The following PRPF8 variants were observed in gnomAD, a reference collection of about 807,000 sequenced individuals.
PRPF8 encodes pre-mRNA-processing-splicing factor 8.
Under a neutral mutation model 285.9 loss-of-function variants are expected in PRPF8, and 64 were observed. That is an observed-to-expected ratio of 0.22 (90% CI 0.18 to 0.28). The LOEUF is 0.28. Among genes scored for constraint, PRPF8 ranks in the 10% least tolerant of loss-of-function variants. PRPF8 has a pLI of 1.00. For synonymous variants in PRPF8, 1,325 were observed against 1,118.2 expected (o/e 1.18, Z -3.69); for missense variants, 1,426 against 3,026.7 (o/e 0.47, Z 12.41).
intron 39 of PRPF8, chr17:1,652,897 C>T (rs1364951513): frequency 1.2e-5 from 2 of 163,696 alleles, no homozygotes; most frequent in African/African-American, 4.9e-5. Flanking sequence ...TTCAAGCAAC[C>T]TCATCCTCCT....
chr17:1,664,940 G>A (rs8064384), intron 24 of PRPF8, among the ~76,000 whole-genome samples: 10,296 of 151,898 alleles, frequency 0.068, 1,209 homozygotes, highest in African/African-American at 0.24. Context: ...GGTGAATCAC[G>A]AGGTCACGAG....
intron 24 of PRPF8, among the ~76,000 whole-genome samples, chr17:1,671,486 G>A (rs958220277): frequency 6.6e-6 from 1 of 152,116 alleles, no homozygotes; most frequent in South Asian, 2.1e-4. Context: ...AGAGGCTAAG[G>A]CAGGAGGACT....
At position 1,675,658 on chromosome 17, in the gene PRPF8, G is replaced by A; in HGVS notation, c.2834C>T (p.Thr945Ile). 1 of 1,614,164 alleles carries A rather than the reference G, an allele frequency of 6.2e-7. No individual in the cohort carries two copies. The highest frequency in any genetic ancestry group is 8.5e-7 in the Non-Finnish European group (1 of 1,180,036). The part of the protein sequence containing the change: ...LFPPWIKPAD[T>I]EPPPLLVYKW... ...GTAAACAAGCAGCGGAGGTGGTTCT[G>A]TGTCTGCAGGCTTAATCCAGGGTGG... is the stretch of plus-strand genomic sequence containing the variant. The change falls in exon 19 of 43, where the codon ACA becomes ATA. Residue 945 changes from threonine (T) to isoleucine (I), a missense_variant. Transcript: ENST00000304992. This position sits in a 1 kb window ranked among gnomAD's most constrained non-coding sequence, Gnocchi z 6.0.
In PRPF8 at chr17:1,650,755, G is replaced by A. The variant is rs770402693; in HGVS notation, c.*47C>T. 6.2e-7 allele frequency: 1 copy of A among 1,610,386 alleles called. No homozygotes were observed. The highest frequency in any genetic ancestry group is 1.7e-5 in the Admixed American group (1 of 60,014). On this transcript the variant is annotated 3_prime_UTR_variant, in exon 43 of 43. Transcript: ENST00000304992. ...GAATGTCAGCGGCCTGTCTGGAGGG[G>A]CTGAGGCTTCGGCCTCGGGAGGCTG... is the stretch of plus-strand genomic sequence containing the variant.
At chr17:1,660,361 C>T (rs1911617104) in intron 30 of PRPF8, 71 bp downstream of exon 30, 39 of 1,608,918 alleles carry the variant, frequency 2.4e-5, no homozygotes, top group Non-Finnish European at 3.1e-5. Flanking sequence ...TGACTCTGTA[C>T]AGTACCCTCT....
rs916438770 is a variant in PRPF8, at chr17:1,680,625, C to T, written c.1098+101G>A. ...AGCTCAAGGGGAACACTTAGCAAGA[C>T]GGAAAACACATCTCCCTCCACCTGA... On this transcript the variant is annotated intron_variant, in intron 8 of 42. Transcript: ENST00000304992. The T allele has an allele frequency of 3.3e-5, 36 of 1,104,444 alleles. No individual in the cohort carries two copies. In the Middle Eastern group the frequency reaches 8.0e-4, roughly 24 times the overall value. 68.4% of individuals were successfully genotyped at this position (1,104,444 alleles called of 1,614,324 possible).
intron 3 of PRPF8, 155 bp downstream of exon 3, chr17:1,683,378 T>C (rs1913043451): frequency 1.3e-5 from 11 of 819,424 alleles, no homozygotes; most frequent in Non-Finnish European, 2.3e-5. Flanking sequence ...ACTGCAAAAG[T>C]GGAAGATGTA....
At chr17:1,672,929 A>G in intron 24 of PRPF8, 152 bp downstream of exon 24, 2 of 760,212 alleles carry the variant, frequency 2.6e-6, no homozygotes, top group Non-Finnish European at 4.8e-6. Context: ...GTGACCTGAC[A>G]TACTATAAGC....
chr17:1,660,270 G>A lies in PRPF8; in HGVS notation c.4785+162C>T, dbSNP rs201263894. Among the ~76,000 whole-genome samples, 18 of 138,676 alleles carry A rather than the reference G, an allele frequency of 1.3e-4. No homozygotes were observed. The East Asian group carries it at 2.0e-3, about 15-fold the overall frequency. 91.0% of individuals were successfully genotyped at this position (138,676 alleles called of 152,430 possible). A position where few individuals can be genotyped will look rare whatever the true frequency, so the allele number is the denominator to read the frequency against. The stretch of plus-strand genomic sequence containing the variant: ...CTCTCCCTGCGATTCCACCTGAGCT[G>A]ACTCTCTACAGTACCCTCTCCCCAC... On this transcript the variant is annotated intron_variant, in intron 30 of 42. Coordinates refer to ENST00000304992, the MANE Select transcript of PRPF8 (RefSeq NM_006445.4).
rs981322525 is a variant in PRPF8, at chr17:1,658,464, C to T, written c.5376+62G>A. On this transcript the variant is annotated intron_variant, in intron 33 of 42. Coordinates refer to ENST00000304992, the MANE Select transcript of PRPF8 (RefSeq NM_006445.4). This position sits in a 1 kb window ranked among gnomAD's most constrained non-coding sequence, Gnocchi z 4.1. The stretch of plus-strand genomic sequence containing the variant: ...CTTCCCAGCATGTGTACACACTTAG[C>T]CCATTACTCTCCCACAGCCATGTAC... The T allele has an allele frequency of 3.1e-6, 5 of 1,613,630 alleles. No homozygotes were observed. The African/African-American group carries it at 6.7e-5, about 22-fold the overall frequency.
At chr17:1,678,903 G>C in intron 11 of PRPF8, 22 bp from the exon 12 acceptor site, 1 of 1,613,926 alleles carries the variant, frequency 6.2e-7, no homozygotes, top group South Asian at 1.1e-5. Flanking sequence ...GCAAAAAACA[G>C]ACAGAACGTG....
At position 1,676,417 on chromosome 17, in the gene PRPF8, C is replaced by T. The variant is rs1200521128; in HGVS notation, c.2389-47G>A. On this transcript the variant is annotated intron_variant, in intron 16 of 42. Transcript: ENST00000304992. The surrounding 1 kb of genome is among the most constrained non-coding windows in gnomAD (Gnocchi z 6.3). The stretch of plus-strand genomic sequence containing the variant: ...AGCCTCCCGCTACAGCCCGATCCTG[C>T]CAGAACAAGGTTCAGTCACAACTCT... The T allele has an allele frequency of 6.2e-7, 1 of 1,613,992 alleles. No individual in the cohort carries two copies. The highest frequency in any genetic ancestry group is 1.1e-5 in the South Asian group (1 of 91,086).
intron 37 of PRPF8, chr17:1,655,090 T>C: frequency 2.2e-6 from 1 of 453,020 alleles, no homozygotes; most frequent in Non-Finnish European, 4.1e-6. Flanking sequence ...CCCGAGTAGC[T>C]GGGATTACAG....
At chr17:1,668,367 T>G (rs923326870) in intron 24 of PRPF8, among the ~76,000 whole-genome samples, 4 of 145,326 alleles carry the variant, frequency 2.8e-5, no homozygotes, top group African/African-American at 1.0e-4. Flanking sequence ...TTTTTTTTTT[T>G]TTTTTTTTTT....
At chr17:1,680,420 GTATGT>G in intron 8 of PRPF8, 1 of 479,840 alleles carries the variant, frequency 2.1e-6, no homozygotes, top group South Asian at 2.2e-5. Flanking sequence ...AACTTGTATG[GTATGT>G]TAACTACATC....
Position 1,673,586 on chromosome 17 carries a change from T to A in PRPF8, c.3447-19A>T, listed in dbSNP as rs764248551. 1 of 1,613,646 alleles carries A rather than the reference T, an allele frequency of 6.2e-7. No homozygotes were observed. Among genetic ancestry groups the A allele is most frequent in the Non-Finnish European group, 8.5e-7 (1 of 1,179,976 alleles). On this transcript the variant is annotated intron_variant, in intron 22 of 42. Coordinates refer to ENST00000304992, the MANE Select transcript of PRPF8 (RefSeq NM_006445.4). This position sits in a 1 kb window ranked among gnomAD's most constrained non-coding sequence, Gnocchi z 5.5. ...CCGGCCTCTGCCCACAGAGAACACA[T>A]GGTCACAGCAGTTTCTTGGAAGGAA...
At chr17:1,665,136 G>C (rs562621461) in intron 24 of PRPF8, among the ~76,000 whole-genome samples, 1 of 138,538 alleles carries the variant, frequency 7.2e-6, no homozygotes. Context: ...CTCTAGCCCG[G>C]GCGAAAATGT....
rs373529065 is a variant in PRPF8 at position 1,661,190 on chromosome 17, C to G, written c.4339-28G>C. The G allele has an allele frequency of 3.1e-6, 5 of 1,614,162 alleles. No individual in the cohort carries two copies. The highest frequency in any genetic ancestry group is 4.2e-6 in the Non-Finnish European group (5 of 1,180,040). ...AGATGGCAAGGCAGGCACGGTCAAG[C>G]TTCTGGGTGCCTATTGCCCCAAGTT... On this transcript the variant is annotated intron_variant, in intron 27 of 42. Transcript: ENST00000304992. This position sits in a 1 kb window ranked among gnomAD's most constrained non-coding sequence, Gnocchi z 7.3.
At position 1,654,870 on chromosome 17, in the gene PRPF8, A is replaced by G. The variant is rs144087807; in HGVS notation, c.5987+480T>C. 1,503 of 176,742 alleles carry G rather than the reference A, an allele frequency of 8.5e-3. 27 individuals are homozygous for G. Among genetic ancestry groups the G allele is most frequent in the African/African-American group, 0.034 (1,414 of 41,866 alleles). 10.9% of individuals were successfully genotyped at this position (176,742 alleles called of 1,614,324 possible). A position where few individuals can be genotyped will look rare whatever the true frequency, so the allele number is the denominator to read the frequency against. On this transcript the variant is annotated intron_variant, in intron 37 of 42. Coordinates refer to ENST00000304992, the MANE Select transcript of PRPF8 (RefSeq NM_006445.4). ...CTGGTTTCAACTCCTGGCTCATGCA[A>G]TCCTCCCACCTTGGCCTCCCAAAGT...
Sources: allele counts gnomAD v4.1 joint callset (sites outside exome capture counted in the v4.1 genomes callset), GRCh38; gene constraint gnomAD v4.1.1; non-coding constraint Gnocchi (gnomAD v3.1); transcripts MANE v1.5; gene names NCBI Gene and HGNC (gene_info 2026-07-23, HGNC 2026-07-21).